Variants in DLEC1 observed in about 807,000 individuals in gnomAD.
The protein encoded by DLEC1 is DLEC1 cilia and flagella associated protein.
DLEC1 carries 146 observed loss-of-function variants against 198.1 expected under a neutral mutation model. The observed-to-expected ratio is 0.74, with a 90% confidence interval of 0.64 to 0.85. The LOEUF (loss-of-function observed/expected upper bound fraction) is 0.85, where lower values mean the gene tolerates loss of function less well. Among genes scored for constraint, DLEC1 ranks in the 40% least tolerant of loss-of-function variants. The pLI, the probability that DLEC1 is intolerant of heterozygous loss-of-function variation, is 0.00. For missense variants in DLEC1, 2,233 were observed against 2,220.0 expected (o/e 1.01, Z -0.12); for synonymous variants, 897 against 866.8 (o/e 1.03, Z -0.61).
chr3:38,095,620 T>G (rs1292146741), intron 13 of DLEC1: 1 of 482,964 alleles, frequency 2.1e-6, no homozygotes, highest in Non-Finnish European at 3.8e-6. Flanking sequence ...TCGGACACGT[T>G]GAGGGGCTTT....
At chr3:38,085,520 A>G (rs1174654912) in intron 8 of DLEC1, 73 bp downstream of exon 8, 2 of 1,564,002 alleles carry the variant, frequency 1.3e-6, no homozygotes, top group Non-Finnish European at 1.7e-6. Flanking sequence ...CCTGCCTCTC[A>G]GGTTCCCTTT....
At chr3:38,066,273 G>A (rs541733397) in intron 6 of DLEC1, among the ~76,000 whole-genome samples, 46 of 152,054 alleles carry the variant, frequency 3.0e-4, no homozygotes, top group Non-Finnish European at 6.2e-4. Flanking sequence ...TCTTCAATCA[G>A]GGCTTACAAA....
At chr3:38,047,073 G>A (rs1700917951) in intron 2 of DLEC1, among the ~76,000 whole-genome samples, 1 of 152,156 alleles carries the variant, frequency 6.6e-6, no homozygotes, top group African/African-American at 2.4e-5. Context: ...TCCATCCCCT[G>A]AGTAGGTTGG....
At chr3:38,080,586 C>T (rs1296314689) in intron 6 of DLEC1, among the ~76,000 whole-genome samples, 1 of 152,078 alleles carries the variant, frequency 6.6e-6, no homozygotes, top group Admixed American at 6.6e-5. Flanking sequence ...CTATTTGGAA[C>T]TACTGTCGAG....
chr3:38,100,271 T>C lies in DLEC1; in HGVS notation c.2725-15T>C. On this transcript the variant is annotated splice_polypyrimidine_tract_variant and intron_variant, in intron 18 of 36. Coordinates refer to ENST00000308059, the MANE Select transcript of DLEC1 (RefSeq NM_007335.4). ...TGTCCTCAGTGCTCATCCTCCTGAG[T>C]GTTCTCCGGGGCAGGTGTCTCCCTT... The C allele has an allele frequency of 6.2e-7, 1 of 1,600,264 alleles. No individual in the cohort carries two copies.
Position 38,116,892 on chromosome 3 carries a change from G to C in DLEC1, c.4179+3G>C. ...ACTGTATCAGCCCCAAGCAGGTGGT[G>C]AGTTGGGGTATGGGCTGGGAGCTGT... On this transcript the variant is annotated splice_donor_region_variant and intron_variant, in intron 29 of 36. Coordinates refer to ENST00000308059, the MANE Select transcript of DLEC1 (RefSeq NM_007335.4). 6.2e-7 allele frequency: 1 copy of C among 1,612,944 alleles called. No individual in the cohort carries two copies. The highest frequency in any genetic ancestry group is 1.1e-5 in the South Asian group (1 of 90,996).
chr3:38,090,836 TAGAG>T (rs570581407), intron 10 of DLEC1, among the ~76,000 whole-genome samples: 133 of 152,328 alleles, frequency 8.7e-4, no homozygotes, highest in Non-Finnish European at 7.9e-4. Context: ...TATACAAAAA[TAGAG>T]AGAATAATGA....
intron 6 of DLEC1, 88 bp downstream of exon 6, chr3:38,064,007 C>CA: frequency 4.5e-6 from 2 of 448,206 alleles, no homozygotes; most frequent in Non-Finnish European, 6.9e-6. Flanking sequence ...TTTTTTTTTT[C>CA]TTTTTTTTTT....
chr3:38,095,985 G>C, intron 14 of DLEC1, 39 bp downstream of exon 14: 1 of 1,610,982 alleles, frequency 6.2e-7, no homozygotes, highest in South Asian at 1.1e-5. Flanking sequence ...GTGGGCAGCT[G>C]GGCCTTCCCC....
At chr3:38,082,864 G>A (rs1260459766) in intron 6 of DLEC1, among the ~76,000 whole-genome samples, 2 of 152,202 alleles carry the variant, frequency 1.3e-5, no homozygotes, top group Non-Finnish European at 2.9e-5. Flanking sequence ...TTGAAACGTG[G>A]GTGAATGATC....
At chr3:38,043,205 G>A (rs143492288) in intron 1 of DLEC1, among the ~76,000 whole-genome samples, 16 of 152,274 alleles carry the variant, frequency 1.1e-4, no homozygotes, top group African/African-American at 3.6e-4. Context: ...ACTTCTATAA[G>A]CCTCAGTTTC....
intron 10 of DLEC1, among the ~76,000 whole-genome samples, chr3:38,090,319 TC>T (rs748670516): frequency 1.3e-5 from 2 of 152,232 alleles, no homozygotes; most frequent in Non-Finnish European, 2.9e-5. Context: ...TGAATGCCCT[TC>T]CAGAGATAGT....
At chr3:38,107,056 A>G (rs529270626) in intron 19 of DLEC1, among the ~76,000 whole-genome samples, 1 of 152,330 alleles carries the variant, frequency 6.6e-6, no homozygotes, top group South Asian at 2.1e-4. Flanking sequence ...AATACAGATC[A>G]GTTTACCTGA....
At chr3:38,096,068 G>A in intron 14 of DLEC1, 122 bp downstream of exon 14, 1 of 1,191,852 alleles carries the variant, frequency 8.4e-7, no homozygotes, top group Non-Finnish European at 1.2e-6. Context: ...AGGCTTTGGG[G>A]AGTGAGAGCA....
chr3:38,106,444 A>G (rs1009140321), intron 19 of DLEC1, among the ~76,000 whole-genome samples: 15 of 152,156 alleles, frequency 9.9e-5, no homozygotes, highest in African/African-American at 3.4e-4. Context: ...TGTCTGGGTA[A>G]GCCCATTTCT....
intron 2 of DLEC1, chr3:38,052,395 G>A (rs1009274918): frequency 4.1e-5 from 11 of 268,114 alleles, no homozygotes; most frequent in Non-Finnish European, 7.7e-5. Context: ...GGAATGGTTC[G>A]GATAGGTGCA....
chr3:38,105,438 T>C (rs1315631224), intron 19 of DLEC1, among the ~76,000 whole-genome samples: 1 of 152,186 alleles, frequency 6.6e-6, no homozygotes, highest in Non-Finnish European at 1.5e-5. Context: ...GCTTCATGTA[T>C]TTTGTGGTGC....
At chr3:38,045,778 G>T in intron 2 of DLEC1, 85 bp downstream of exon 2, 1 of 1,375,498 alleles carries the variant, frequency 7.3e-7, no homozygotes, top group East Asian at 2.5e-5. Flanking sequence ...CACTCTCTAG[G>T]CTTTTTCTGG....
intron 25 of DLEC1, among the ~76,000 whole-genome samples, chr3:38,113,552 G>A (rs1413429034): frequency 2.7e-5 from 4 of 146,948 alleles, no homozygotes; most frequent in African/African-American, 4.9e-5. Context: ...TTAGCTGGGC[G>A]TGATGGCATA....
Sources: allele counts gnomAD v4.1 joint callset (sites outside exome capture counted in the v4.1 genomes callset), GRCh38; gene constraint gnomAD v4.1.1; transcripts MANE v1.5; gene names NCBI Gene and HGNC (gene_info 2026-07-23, HGNC 2026-07-21).